RAP1GDS1: variants seen among roughly 807,000 people sequenced by gnomAD.
The protein encoded by RAP1GDS1 is Rap1 GTPase-GDP dissociation stimulator 1.
A neutral mutation model predicts 71.1 loss-of-function variants in RAP1GDS1; 35 were observed. That is an observed-to-expected ratio of 0.49 (90% CI 0.38 to 0.65). The LOEUF (loss-of-function observed/expected upper bound fraction) is 0.65, where lower values mean the gene tolerates loss of function less well. RAP1GDS1 is among the 30% of genes least tolerant of loss of function. The pLI is 0.00. For synonymous variants in RAP1GDS1, 229 were observed against 243.1 expected (o/e 0.94, Z 0.54); for missense variants, 663 against 706.1 (o/e 0.94, Z 0.69).
At chr4:98,317,151 T>C (rs1731056986) in intron 2 of RAP1GDS1, among the ~76,000 whole-genome samples, 1 of 152,110 alleles carries the variant, frequency 6.6e-6, no homozygotes, top group Non-Finnish European at 1.5e-5. Context: ...CCATCACACT[T>C]TTTTACCCTT....
intron 4 of RAP1GDS1, among the ~76,000 whole-genome samples, chr4:98,358,395 G>T (rs1738248450): frequency 6.6e-6 from 1 of 152,034 alleles, no homozygotes; most frequent in Admixed American, 6.6e-5. Context: ...TATTTGGGTA[G>T]TATATCCCGA....
chr4:98,281,134 C>T (rs1725021944), intron 1 of RAP1GDS1, among the ~76,000 whole-genome samples: 1 of 151,606 alleles, frequency 6.6e-6, no homozygotes, highest in African/African-American at 2.4e-5. Context: ...TAGTTTTTTC[C>T]AATTCTGTGA....
chr4:98,280,826 A>T (rs1220733097), intron 1 of RAP1GDS1, among the ~76,000 whole-genome samples: 1 of 152,210 alleles, frequency 6.6e-6, no homozygotes, highest in Non-Finnish European at 1.5e-5. Context: ...CTTTCTACAT[A>T]TGGCTAGCCA....
chr4:98,262,499 C>T (rs1722164051), intron 1 of RAP1GDS1, among the ~76,000 whole-genome samples: 1 of 152,178 alleles, frequency 6.6e-6, no homozygotes, highest in Non-Finnish European at 1.5e-5. Flanking sequence ...TTAACTGTTA[C>T]ATTCAGTAAT....
At chr4:98,308,379 G>T (rs2110313321) in intron 2 of RAP1GDS1, among the ~76,000 whole-genome samples, 1 of 139,884 alleles carries the variant, frequency 7.1e-6, no homozygotes, top group South Asian at 2.3e-4. Flanking sequence ...TATGTGGAAG[G>T]CTGATGCTCA....
At chr4:98,289,447 A>G (rs796550075) in intron 1 of RAP1GDS1, among the ~76,000 whole-genome samples, 7 of 152,060 alleles carry the variant, frequency 4.6e-5, no homozygotes, top group Admixed American at 1.3e-4. Context: ...GAAAAAGCCA[A>G]TAATGTGGTG....
At chr4:98,395,903 A>T (rs1744466597) in intron 6 of RAP1GDS1, 1 of 152,376 alleles carries the variant, frequency 6.6e-6, no homozygotes, top group Admixed American at 6.6e-5. Flanking sequence ...TGGGTAATTT[A>T]TAAAGAAAAG....
chr4:98,347,148 A>G (rs1208162292), intron 3 of RAP1GDS1, among the ~76,000 whole-genome samples: 2 of 152,198 alleles, frequency 1.3e-5, no homozygotes, highest in African/African-American at 4.8e-5. Flanking sequence ...TTCTTCAGGT[A>G]GGTAAAAGTG....
chr4:98,336,898 T>C (rs1734785483), intron 2 of RAP1GDS1, among the ~76,000 whole-genome samples: 1 of 152,062 alleles, frequency 6.6e-6, no homozygotes, highest in Non-Finnish European at 1.5e-5. Context: ...TTTTGTTTTG[T>C]TTTTGTTTTT....
At chr4:98,345,529 AATAGACTTAAGACTG>A (rs940036157) in intron 3 of RAP1GDS1, among the ~76,000 whole-genome samples, 1 of 151,650 alleles carries the variant, frequency 6.6e-6, no homozygotes. Context: ...TCCCTTATAT[AATAGACTTAAGACTG>A]ATATGAGGCA....
At chr4:98,310,488 A>G (rs1730049015) in intron 2 of RAP1GDS1, among the ~76,000 whole-genome samples, 1 of 152,190 alleles carries the variant, frequency 6.6e-6, no homozygotes, top group Admixed American at 6.5e-5. Context: ...ACAAAAGGAA[A>G]TGATCTGATT....
chr4:98,431,243 T>C (rs1279319042), intron 12 of RAP1GDS1, among the ~76,000 whole-genome samples: 1 of 152,214 alleles, frequency 6.6e-6, no homozygotes, highest in Non-Finnish European at 1.5e-5. Flanking sequence ...AAGGCTTTGA[T>C]GATACAATCT....
chr4:98,362,800 G>A (rs774829530), intron 4 of RAP1GDS1, among the ~76,000 whole-genome samples: 15 of 152,152 alleles, frequency 9.9e-5, no homozygotes, highest in Non-Finnish European at 1.6e-4. Flanking sequence ...GTACTGAGAA[G>A]ATATGAAATA....
intron 7 of RAP1GDS1, among the ~76,000 whole-genome samples, chr4:98,410,578 T>G (rs1746907284): frequency 6.6e-6 from 1 of 152,122 alleles, no homozygotes; most frequent in African/African-American, 2.4e-5. Context: ...GCAGCATTAT[T>G]TATAATGAAA....
chr4:98,339,472 G>T (rs1735170089), intron 2 of RAP1GDS1, among the ~76,000 whole-genome samples: 1 of 152,170 alleles, frequency 6.6e-6, no homozygotes, highest in Admixed American at 6.5e-5. Context: ...TTAAAAAGGA[G>T]TGTAGTTAAA....
chr4:98,281,206 A>G (rs1452290073), intron 1 of RAP1GDS1, among the ~76,000 whole-genome samples: 2 of 152,180 alleles, frequency 1.3e-5, no homozygotes, highest in African/African-American at 2.4e-5. Flanking sequence ...TTTGGGCAGT[A>G]TGGCCATTTT....
At chr4:98,299,149 C>T (rs1163151510) in intron 2 of RAP1GDS1, among the ~76,000 whole-genome samples, 1 of 152,144 alleles carries the variant, frequency 6.6e-6, no homozygotes, top group Non-Finnish European at 1.5e-5. Context: ...TGAGTGAGAA[C>T]ATGCAGTGTT....
intron 2 of RAP1GDS1, among the ~76,000 whole-genome samples, chr4:98,341,921 T>C (rs1490981022): frequency 6.7e-6 from 1 of 148,424 alleles, no homozygotes; most frequent in Non-Finnish European, 1.5e-5. Context: ...TACAGGCACA[T>C]ATGCATATGC....
intron 7 of RAP1GDS1, among the ~76,000 whole-genome samples, chr4:98,408,836 GTTCA>G (rs761808033): frequency 1.3e-5 from 2 of 152,084 alleles, no homozygotes; most frequent in African/African-American, 2.4e-5. Context: ...AAAATTAAGT[GTTCA>G]TTCATTATTT....
Sources: allele counts gnomAD v4.1 joint callset (sites outside exome capture counted in the v4.1 genomes callset), GRCh38; gene constraint gnomAD v4.1.1; transcripts MANE v1.5; gene names NCBI Gene and HGNC (gene_info 2026-07-23, HGNC 2026-07-21).